The following MYO7A variants were observed in gnomAD, a reference collection of about 807,000 sequenced individuals.
The protein encoded by MYO7A is unconventional myosin-VIIa.
A neutral mutation model predicts 263.8 loss-of-function variants in MYO7A; 210 were observed. The observed-to-expected ratio is 0.80, with a 90% CI of 0.71 to 0.89. The LOEUF is 0.89. Ranked by LOEUF, MYO7A falls within the 40% of genes least tolerant of loss-of-function variation. The pLI is 0.00. For missense variants in MYO7A, 2,820 were observed against 2,968.3 expected (o/e 0.95, Z 1.16); for synonymous variants, 1,239 against 1,197.3 (o/e 1.03, Z -0.72).
chr11:77,204,358 C>A, intron 39 of MYO7A, 129 bp downstream of exon 39: 1 of 1,294,862 alleles, frequency 7.7e-7, no homozygotes, highest in Non-Finnish European at 1.1e-6. Flanking sequence ...GGGAGCTGCT[C>A]ATGGGCCCCC....
rs781795932 is a variant in MYO7A, at chr11:77,160,225, G to C, written c.1143G>C (p.Thr381=). The C allele has an allele frequency of 6.3e-7, 1 of 1,581,614 alleles. No homozygotes were observed. The highest frequency in any genetic ancestry group is 1.2e-5 in the South Asian group (1 of 85,856). The part of the protein sequence containing the change: ...TSRTLITRGE[T]VSTPLSREQA... ...GCACCCTCATCACCCGCGGGGAGAC[G>C]GTGTCCACCCCACTGAGCAGGGAAC... The change falls in exon 11 of 49, where the codon ACG becomes ACC. Residue 381 remains threonine (T), a synonymous_variant. Transcript: ENST00000409709.
Position 77,156,848 on chromosome 11 carries a change from TACTC to T in MYO7A, c.593-9_593-6del. 2 of 1,613,930 alleles carry T rather than the reference TACTC, an allele frequency of 1.2e-6. No homozygotes were observed. The highest frequency in any genetic ancestry group is 1.1e-5 in the South Asian group (1 of 91,080). ...GGAGCGGGCTTTGCCAGTGACACCC[TACTC>T]ACTCCGCAGCATTTGGGAATGCCAA... On this transcript the variant is annotated splice_polypyrimidine_tract_variant and intron_variant, in intron 6 of 48. Coordinates refer to ENST00000409709, the MANE Select transcript of MYO7A (RefSeq NM_000260.4).
At chr11:77,207,492 G>C in intron 42 of MYO7A, 90 bp downstream of exon 42, 1 of 986,548 alleles carries the variant, frequency 1.0e-6, no homozygotes, top group Non-Finnish European at 1.6e-6. Flanking sequence ...GGAACTGGGG[G>C]AGAGAGGGGA....
In MYO7A at chr11:77,206,844, C is replaced by T. The variant is rs571889558; in HGVS notation, c.5743-445C>T. ...TTCATTTGCAAGGACCAAAGACTTC[C>T]TCAAATCCTTTCCTGTCCCTCCAGA... On this transcript the variant is annotated intron_variant, in intron 41 of 48. Transcript: ENST00000409709. Among the ~76,000 whole-genome samples, 5 of 152,324 alleles carry T rather than the reference C, an allele frequency of 3.3e-5. No individual in the cohort carries two copies. In the South Asian group the frequency reaches 1.0e-3, roughly 32 times the overall value.
At chr11:77,163,535 G>A (rs1953222456) in intron 14 of MYO7A, among the ~76,000 whole-genome samples, 1 of 152,138 alleles carries the variant, frequency 6.6e-6, no homozygotes, top group Non-Finnish European at 1.5e-5. Context: ...ACTAAATACT[G>A]TAGGCAGTTG....
intron 28 of MYO7A, 62 bp downstream of exon 28, chr11:77,189,532 G>A: frequency 6.2e-7 from 1 of 1,600,592 alleles, no homozygotes; most frequent in Non-Finnish European, 8.5e-7. Context: ...CAGCACTGTG[G>A]GGAGAGCAAT....
chr11:77,158,732 T>A (rs1342318577), intron 9 of MYO7A, among the ~76,000 whole-genome samples: 1 of 152,210 alleles, frequency 6.6e-6, no homozygotes, highest in African/African-American at 2.4e-5. Flanking sequence ...AAGTCACATG[T>A]CTTAGAGAGA....
intron 42 of MYO7A, 128 bp downstream of exon 42, chr11:77,207,530 T>C (rs966439290): frequency 2.7e-6 from 2 of 736,746 alleles, no homozygotes; most frequent in Admixed American, 2.1e-5. Flanking sequence ...GGCCATCTTC[T>C]TCCATCCCTG....
chr11:77,177,688 G>A (rs966577513), intron 19 of MYO7A, 45 bp downstream of exon 19: 1 of 1,497,758 alleles, frequency 6.7e-7, no homozygotes, highest in Admixed American at 1.8e-5. Flanking sequence ...CCACATACAG[G>A]TGTACGTGTG....
Position 77,181,536 on chromosome 11 carries a change from G to A in MYO7A, c.2851G>A (p.Gly951Arg). The A allele has an allele frequency of 6.2e-7, 1 of 1,613,486 alleles. No individual in the cohort carries two copies. The highest frequency in any genetic ancestry group is 8.5e-7 in the Non-Finnish European group (1 of 1,179,876). Residue 951 changes from glycine (G) to arginine (R), a missense_variant, in exon 23 of 49, where the codon GGG becomes AGG. Transcript: ENST00000409709. ...DMVDKMFGFLGTSGGLPGQEG... is the reference protein window; with the variant it reads ...DMVDKMFGFLRTSGGLPGQEG... ...GGTGGACAAGATGTTTGGCTTCCTGGGGACTTCAGGTGGCCTGCCAGGCCA... is the reference window on the plus strand; with the variant it reads ...GGTGGACAAGATGTTTGGCTTCCTGAGGACTTCAGGTGGCCTGCCAGGCCA...
chr11:77,165,999 G>T (rs1953506219), intron 14 of MYO7A, 57 bp from the exon 15 acceptor site: 1 of 1,301,380 alleles, frequency 7.7e-7, no homozygotes, highest in Non-Finnish European at 1.1e-6. Context: ...AGATGTTATG[G>T]GTTTGGGGAG....
At position 77,211,335 on chromosome 11, in the gene MYO7A, C is replaced by T. The variant is rs759614902; in HGVS notation, c.6235C>T (p.Arg2079Trp). Reference sequence around the variant, plus strand: ...GCAGGTCTCACCTGATGACTGGAAGCGGGTGAGCATGGGGTGGGCATCGGG... The same window carrying T: ...GCAGGTCTCACCTGATGACTGGAAGTGGGTGAGCATGGGGTGGGCATCGGG... ...IRQVSPDDWK[R>W]SIVAYFNKHA... The change falls in exon 45 of 49, where the codon CGG becomes TGG. Residue 2079 changes from arginine to tryptophan, a missense_variant and splice_region_variant. Arg to Trp is a moderately radical substitution (Grantham distance 101). Coordinates refer to ENST00000409709, the MANE Select transcript of MYO7A (RefSeq NM_000260.4). The T allele has an allele frequency of 9.5e-6, 15 of 1,577,284 alleles. No individual in the cohort carries two copies. Among genetic ancestry groups the T allele is most frequent in the East Asian group, 2.3e-5 (1 of 42,808 alleles).
chr11:77,191,609 T>A (rs567762645), intron 30 of MYO7A, among the ~76,000 whole-genome samples: 1 of 152,180 alleles, frequency 6.6e-6, no homozygotes, highest in Non-Finnish European at 1.5e-5. Context: ...CAGACTCACC[T>A]CGGAGGCTGG....
At chr11:77,184,913 T>A (rs1453850474) in intron 27 of MYO7A, 198 bp downstream of exon 27, 1 of 903,142 alleles carries the variant, frequency 1.1e-6, no homozygotes, top group East Asian at 2.6e-5. Flanking sequence ...GGGGGAATCC[T>A]AAAACAGGCA....
chr11:77,157,424 G>C, intron 8 of MYO7A, 32 bp downstream of exon 8: 1 of 1,469,100 alleles, frequency 6.8e-7, no homozygotes, highest in Non-Finnish European at 9.4e-7. Context: ...GGGTAGGGGG[G>C]CACCCACCCT....
chr11:77,194,618 G>A (rs1565448958), intron 32 of MYO7A, 94 bp downstream of exon 32: 19 of 1,359,976 alleles, frequency 1.4e-5, no homozygotes, highest in South Asian at 4.5e-5. Flanking sequence ...TTGGGGCTGC[G>A]GGGGATGGGA....
At chr11:77,129,904 A>G (rs782498206) in intron 1 of MYO7A, among the ~76,000 whole-genome samples, 3 of 152,108 alleles carry the variant, frequency 2.0e-5, no homozygotes, top group Non-Finnish European at 2.9e-5. Flanking sequence ...TAGGAAAGGG[A>G]GTGAGCAGTG....
intron 44 of MYO7A, chr11:77,209,070 C>G: frequency 2.2e-6 from 1 of 451,692 alleles, no homozygotes; most frequent in South Asian, 3.6e-5. Flanking sequence ...CAGTGCGGGG[C>G]TATCCTCTGA....
At chr11:77,174,692 G>A (rs970558336) in intron 16 of MYO7A, 64 bp from the exon 17 acceptor site, 4 of 1,509,890 alleles carry the variant, frequency 2.6e-6, no homozygotes, top group Non-Finnish European at 2.7e-6. Context: ...TTGGTCAAGT[G>A]CACAGCAGGG....
Sources: allele counts gnomAD v4.1 joint callset (sites outside exome capture counted in the v4.1 genomes callset), GRCh38; gene constraint gnomAD v4.1.1; transcripts MANE v1.5; gene names NCBI Gene and HGNC (gene_info 2026-07-23, HGNC 2026-07-21).